TMEM165: variants seen among roughly 807,000 people sequenced by gnomAD.
The protein encoded by TMEM165 is transmembrane protein 165, also known as putative divalent cation/proton antiporter TMEM165.
In TMEM165, 19 loss-of-function variants were observed where a neutral mutation model predicts 30.0. The observed-to-expected ratio is 0.63, with a 90% confidence interval of 0.44 to 0.93. The LOEUF is 0.93. TMEM165 is among the 40% of genes least tolerant of loss of function. The pLI, the probability that TMEM165 is intolerant of heterozygous loss-of-function variation, is 0.00. For missense variants in TMEM165, 340 were observed against 417.0 expected (o/e 0.82, Z 1.61); for synonymous variants, 168 against 162.9 (o/e 1.03, Z -0.24).
At chr4:55,400,430 AAATAT>A (rs1435586167) in intron 1 of TMEM165, among the ~76,000 whole-genome samples, 3 of 134,074 alleles carry the variant, frequency 2.2e-5, no homozygotes, top group African/African-American at 8.3e-5. Flanking sequence ...TAAAATATAA[AAATAT>A]AATATATATA....
intron 2 of TMEM165, 128 bp from the exon 3 acceptor site, chr4:55,416,944 A>C (rs940375578): frequency 5.5e-6 from 4 of 722,778 alleles, no homozygotes; most frequent in African/African-American, 3.7e-5. Context: ...AGGTTATTAC[A>C]TACTAGATTA....
At chr4:55,418,165 G>C in intron 4 of TMEM165, 180 bp downstream of exon 4, 1 of 503,334 alleles carries the variant, frequency 2.0e-6, no homozygotes, top group Non-Finnish European at 3.3e-6. Flanking sequence ...CTACCTGCAG[G>C]TGAAATTCTT....
At chr4:55,414,688 CT>C in intron 2 of TMEM165, among the ~76,000 whole-genome samples, 1 of 152,304 alleles carries the variant, frequency 6.6e-6, no homozygotes. Flanking sequence ...TATTTATTAT[CT>C]TTTTAGTCTT....
intron 1 of TMEM165, among the ~76,000 whole-genome samples, chr4:55,408,606 TGTG>T (rs776803168): frequency 3.3e-5 from 5 of 152,226 alleles, no homozygotes; most frequent in Non-Finnish European, 7.3e-5. Flanking sequence ...ATTGTCATCA[TGTG>T]GTGCATGTCT....
chr4:55,428,903 C>T (rs1722349117), downstream of TMEM165: 2 of 150,160 alleles, frequency 1.3e-5, no homozygotes, highest in South Asian at 4.2e-4. Flanking sequence ...CCTTCCCCAA[C>T]TTAAACCATA....
At chr4:55,450,276 C>T (rs748955747) in intron 3 of TMEM165, 1 of 1,611,476 alleles carries the variant, frequency 6.2e-7, no homozygotes, top group Non-Finnish European at 8.5e-7. Flanking sequence ...TGGTTCAGTT[C>T]AGAGATCTCA....
At chr4:55,403,207 T>G (rs1721106847) in intron 1 of TMEM165, 1 of 1,226,712 alleles carries the variant, frequency 8.2e-7, no homozygotes, top group South Asian at 1.3e-5. Flanking sequence ...GATAACTTAT[T>G]GAGCAACTTT....
In TMEM165 at chr4:55,396,334, C is replaced by G. The variant is rs1196875723; in HGVS notation, c.145C>G (p.Pro49Ala). ...CCACCGGAACAAAGAACCGCCGGCG[C>G]CGGCCCAGCAGCTGCAGCCGCAGCC... Reference protein sequence around the residue: ...LSHRNKEPPAPAQQLQPQPVA... With the variant: ...LSHRNKEPPAAAQQLQPQPVA... Residue 49 changes from proline (P) to alanine (A), a missense_variant, in exon 1 of 6, where the codon CCG becomes GCG. Physicochemically the swap from Pro to Ala is conservative, Grantham distance 27. This residue lies in a region of TMEM165 where 120 missense variants were observed against 109.4 expected (regional missense o/e 1.10). Transcript: ENST00000381334. The G allele has an allele frequency of 6.6e-7, 1 of 1,517,428 alleles. No homozygotes were observed. Among genetic ancestry groups the G allele is most frequent in the Non-Finnish European group, 8.8e-7 (1 of 1,137,694 alleles). The allele number at this position is 1,517,428 out of a possible 1,614,324, so 94.0% of individuals were successfully genotyped here.
intron 3 of TMEM165, chr4:55,449,352 C>T: frequency 1.3e-6 from 2 of 1,512,770 alleles, no homozygotes; most frequent in Non-Finnish European, 1.8e-6. Flanking sequence ...TTTTTCCCCT[C>T]TTAATAAATC....
rs1724272922 is a variant in TMEM165, at chr4:55,449,963, T to C, written c.409-2276T>C. The C allele has an allele frequency of 2.6e-6, 3 of 1,159,324 alleles. No individual in the cohort carries two copies. In the Admixed American group the frequency reaches 6.3e-5, roughly 24 times the overall value. The allele number at this position is 1,159,324 out of a possible 1,614,324, so 71.8% of individuals were successfully genotyped here. A position where few individuals can be genotyped will look rare whatever the true frequency, so the allele number is the denominator to read the frequency against. ...ATGTCCCTTTAACTCACTGGAAAGG[T>C]TACTACATTTCAGAAATGTAAAAAC... On this transcript the variant is annotated intron_variant, in intron 3 of 3. Coordinates refer to the TMEM165 transcript ENST00000608091.
At chr4:55,421,979 T>C (rs2109561464) in intron 4 of TMEM165, among the ~76,000 whole-genome samples, 1 of 152,266 alleles carries the variant, frequency 6.6e-6, no homozygotes, top group South Asian at 2.1e-4. Context: ...TCCTGCAGTG[T>C]CAGAGGACTT....
At chr4:55,450,934 T>G (rs1032439492) in intron 3 of TMEM165, among the ~76,000 whole-genome samples, 4 of 151,502 alleles carry the variant, frequency 2.6e-5, no homozygotes, top group African/African-American at 9.7e-5. Flanking sequence ...GGAGCTAGAG[T>G]TTCATAGTTT....
chr4:55,446,143 G>T (rs73236142), intron 3 of TMEM165, among the ~76,000 whole-genome samples: 36,088 of 146,374 alleles, frequency 0.25, 4,760 homozygotes, highest in South Asian at 0.37. Flanking sequence ...ACCCAAGCTG[G>T]AATGCAGTGG....
chr4:55,407,573 G>T (rs1018282330), intron 1 of TMEM165, among the ~76,000 whole-genome samples: 1 of 152,090 alleles, frequency 6.6e-6, no homozygotes, highest in African/African-American at 2.4e-5. Context: ...ATGTAAAATT[G>T]TATTATGTGG....
At chr4:55,436,930 T>G (rs577650396) in intron 3 of TMEM165, among the ~76,000 whole-genome samples, 1 of 150,524 alleles carries the variant, frequency 6.6e-6, no homozygotes, top group Non-Finnish European at 1.5e-5. Context: ...TTTATTCTTT[T>G]AAGGGCCTTT....
downstream of TMEM165, among the ~76,000 whole-genome samples, chr4:55,427,365 ATC>A (rs1167777576): frequency 5.3e-5 from 1 of 18,772 alleles, no homozygotes; most frequent in Non-Finnish European, 8.6e-5. Flanking sequence ...TTTGGAGACA[ATC>A]TATCTCACTC....
chr4:55,448,232 A>AAT (rs1724045362), intron 3 of TMEM165, among the ~76,000 whole-genome samples: 1 of 152,204 alleles, frequency 6.6e-6, no homozygotes, highest in Admixed American at 6.5e-5. Context: ...CGGCATCTGC[A>AAT]ATGCCTGTTA....
chr4:55,449,040 T>A (rs1724195365), intron 3 of TMEM165, among the ~76,000 whole-genome samples: 1 of 152,172 alleles, frequency 6.6e-6, no homozygotes, highest in Non-Finnish European at 1.5e-5. Flanking sequence ...CTGTTCCCTA[T>A]TTATCTTTTA....
At chr4:55,450,913 G>A (rs913228796) in intron 3 of TMEM165, among the ~76,000 whole-genome samples, 5 of 152,064 alleles carry the variant, frequency 3.3e-5, no homozygotes, top group African/African-American at 1.2e-4. Flanking sequence ...GAAGAGAATT[G>A]CTTAAGCCCA....
Sources: allele counts gnomAD v4.1 joint callset (sites outside exome capture counted in the v4.1 genomes callset), GRCh38; gene constraint gnomAD v4.1.1; regional missense constraint gnomAD v4.1.1; transcripts MANE v1.5; gene names NCBI Gene and HGNC (gene_info 2026-07-23, HGNC 2026-07-21).